Variants in ANTXR2 observed in about 807,000 individuals in gnomAD.
ANTXR2 encodes the protein anthrax toxin receptor 2.
In ANTXR2, 44 loss-of-function variants were observed where a neutral mutation model predicts 73.7. That is an observed-to-expected ratio of 0.60 (90% CI 0.47 to 0.77). The LOEUF is 0.77. ANTXR2 is among the 30% of genes least tolerant of loss of function. The pLI is 0.00. For missense variants in ANTXR2, 604 were observed against 592.5 expected, an observed-to-expected ratio of 1.02 and a Z score of -0.20; for synonymous variants, 217 against 205.9, an observed-to-expected ratio of 1.05 and a Z score of -0.46.
intron 6 of ANTXR2, 134 bp downstream of exon 6, chr4:80,055,016 C>T (rs1733926761): frequency 2.6e-6 from 2 of 772,350 alleles, no homozygotes; most frequent in Non-Finnish European, 4.1e-6. Context: ...GTACTCAAAA[C>T]CTACAGCCAT....
chr4:80,026,951 A>T (rs1732474607), intron 10 of ANTXR2, among the ~76,000 whole-genome samples: 1 of 152,146 alleles, frequency 6.6e-6, no homozygotes. Context: ...AACTTATCAC[A>T]TTGATAGATA....
intron 16 of ANTXR2, among the ~76,000 whole-genome samples, chr4:79,954,864 A>C (rs1352202082): frequency 6.6e-6 from 1 of 152,162 alleles, no homozygotes; most frequent in African/African-American, 2.4e-5. Flanking sequence ...TAATAAAATG[A>C]GTCTATTAGG....
At chr4:79,978,361 T>C (rs994484355) in intron 14 of ANTXR2, among the ~76,000 whole-genome samples, 187 bp from the exon 15 acceptor site, 2 of 127,930 alleles carry the variant, frequency 1.6e-5, no homozygotes, top group Admixed American at 8.9e-5. Flanking sequence ...GTATTTAATA[T>C]TAAGATCCAA....
intron 13 of ANTXR2, 104 bp from the exon 14 acceptor site, chr4:79,984,074 A>C: frequency 1.1e-5 from 9 of 839,710 alleles, no homozygotes; most frequent in Non-Finnish European, 1.5e-5. Context: ...TGTCATTACT[A>C]TGGAAAAAAC....
At chr4:79,929,759 A>G (rs964340799) in intron 16 of ANTXR2, among the ~76,000 whole-genome samples, 2 of 152,174 alleles carry the variant, frequency 1.3e-5, no homozygotes, top group South Asian at 2.1e-4. Flanking sequence ...AAGCAGGGAA[A>G]CCAGTTACAA....
At chr4:79,999,026 T>C (rs1471216328) in intron 12 of ANTXR2, among the ~76,000 whole-genome samples, 1 of 152,086 alleles carries the variant, frequency 6.6e-6, no homozygotes, top group East Asian at 1.9e-4. Context: ...CTGTCATTCT[T>C]GAAAAGACTC....
intron 11 of ANTXR2, among the ~76,000 whole-genome samples, chr4:80,012,067 A>G (rs901555375): frequency 6.6e-6 from 1 of 152,236 alleles, no homozygotes; most frequent in African/African-American, 2.4e-5. Context: ...GAAAGTTTCA[A>G]AAGAGCATTA....
intron 16 of ANTXR2, among the ~76,000 whole-genome samples, chr4:79,961,663 C>T (rs1729147055): frequency 1.3e-5 from 2 of 152,094 alleles, no homozygotes; most frequent in Admixed American, 1.3e-4. Flanking sequence ...TGGTCTCAAA[C>T]TCCAGGACTC....
intron 16 of ANTXR2, among the ~76,000 whole-genome samples, chr4:79,908,607 TTATC>T (rs1220356060): frequency 6.6e-6 from 1 of 152,198 alleles, no homozygotes; most frequent in Non-Finnish European, 1.5e-5. Flanking sequence ...ATTCATCAAA[TTATC>T]TGTCTTTTAA....
At chr4:79,958,138 T>C (rs1042271346) in intron 16 of ANTXR2, among the ~76,000 whole-genome samples, 4 of 152,040 alleles carry the variant, frequency 2.6e-5, no homozygotes, top group African/African-American at 9.7e-5. Flanking sequence ...AATCTGATGT[T>C]TCCTCTTCAG....
At chr4:79,926,989 A>ATGTGTATATATACACATGTGCATATATG (rs1560867650) in intron 16 of ANTXR2, among the ~76,000 whole-genome samples, 10 of 146,000 alleles carry the variant, frequency 6.8e-5, no homozygotes, top group East Asian at 2.1e-4. Context: ...GTGTGCATAT[A>ATGTGTATATATACACATGTGCATATATG]TGTGTATATA....
rs568102803 is a variant in ANTXR2 at position 80,008,018 on chromosome 4, G to A, written c.1041+503C>T. On this transcript the variant is annotated intron_variant, in intron 12 of 16. Coordinates refer to ENST00000403729, the MANE Select transcript of ANTXR2 (RefSeq NM_058172.6). Reference sequence around the variant, plus strand: ...AAAATGACACAAACTGAAACTCCTCGTCATTACTCCAAAAGTAGCAGTTTA... The same window carrying A: ...AAAATGACACAAACTGAAACTCCTCATCATTACTCCAAAAGTAGCAGTTTA... Among the ~76,000 whole-genome samples, 39 of 152,154 alleles carry A rather than the reference G, an allele frequency of 2.6e-4. 1 individual carries two copies. In the South Asian group the frequency reaches 4.2e-3, roughly 16 times the overall value.
At chr4:79,957,211 C>A (rs1316339043) in intron 16 of ANTXR2, among the ~76,000 whole-genome samples, 1 of 152,110 alleles carries the variant, frequency 6.6e-6, no homozygotes, top group Non-Finnish European at 1.5e-5. Context: ...ATTCTAACTT[C>A]TTTTGCATCA....
chr4:80,000,741 T>A (rs1730989189), intron 12 of ANTXR2, among the ~76,000 whole-genome samples: 1 of 152,114 alleles, frequency 6.6e-6, no homozygotes, highest in African/African-American at 2.4e-5. Flanking sequence ...TTCTTTTTCC[T>A]GATATAAAAC....
chr4:80,072,097 T>A (rs1734816998), intron 1 of ANTXR2, among the ~76,000 whole-genome samples: 2 of 152,036 alleles, frequency 1.3e-5, no homozygotes, highest in Admixed American at 1.3e-4. Context: ...AAGGACTCTG[T>A]GGCCGATGGA....
chr4:79,915,686 C>G (rs920865161), intron 16 of ANTXR2, among the ~76,000 whole-genome samples: 6 of 151,888 alleles, frequency 4.0e-5, no homozygotes, highest in African/African-American at 1.5e-4. Flanking sequence ...TCCAGGAAAT[C>G]ACTGATATAA....
intron 16 of ANTXR2, among the ~76,000 whole-genome samples, chr4:79,932,563 G>C (rs969628637): frequency 6.6e-6 from 1 of 151,752 alleles, no homozygotes; most frequent in African/African-American, 2.4e-5. Context: ...GAGGCGAGGC[G>C]GGTGGATTGC....
intron 9 of ANTXR2, among the ~76,000 whole-genome samples, chr4:80,032,425 A>C (rs1332687577): frequency 6.6e-6 from 1 of 151,808 alleles, no homozygotes; most frequent in Non-Finnish European, 1.5e-5. Flanking sequence ...ATCTTGTCCT[A>C]CTCAATTGTG....
chr4:80,070,918 G>A (rs939505621), intron 2 of ANTXR2, among the ~76,000 whole-genome samples: 5 of 152,178 alleles, frequency 3.3e-5, no homozygotes, highest in African/African-American at 1.2e-4. Flanking sequence ...GTGTCCTGAG[G>A]TTATTTTTAA....
Sources: gnomAD v4.1 joint callset for allele counts (sites outside exome capture counted in the v4.1 genomes callset) on GRCh38, gnomAD v4.1.1 for gene constraint, MANE v1.5 for transcripts, NCBI Gene and HGNC (gene_info 2026-07-23, HGNC 2026-07-21) for gene names.